Variants in PSPC1 observed in about 807,000 individuals in gnomAD.
PSPC1 encodes paraspeckle component 1, also known as paraspeckle protein 1.
In PSPC1, 14 loss-of-function variants were observed where a neutral mutation model predicts 51.6. The observed-to-expected ratio is 0.27, with a 90% CI of 0.18 to 0.42. The LOEUF is 0.42. Among genes scored for constraint, PSPC1 ranks in the 10% least tolerant of loss-of-function variants. The pLI is 1.00. For synonymous variants in PSPC1, 193 were observed against 231.9 expected (o/e 0.83, Z 1.53); for missense variants, 406 against 701.1 (o/e 0.58, Z 4.75).
intron 7 of PSPC1, among the ~76,000 whole-genome samples, chr13:19,677,232 C>CA (rs144841164): frequency 0.027 from 3,242 of 119,076 alleles, 46 homozygotes; most frequent in Middle Eastern, 0.031. Flanking sequence ...GACTCCGTCT[C>CA]AAAAAAAAAA....
chr13:19,772,314 A>G lies in PSPC1; in HGVS notation c.602T>C (p.Val201Ala). 1 of 1,614,234 alleles carries G rather than the reference A, an allele frequency of 6.2e-7. No individual in the cohort carries two copies. The highest frequency in any genetic ancestry group is 8.5e-7 in the Non-Finnish European group (1 of 1,180,040). ...TGCAGGAGGTTTTGCTGCAAACTCTACAAAACCTTTTCCTGTAGCTCTACC... is the reference window on the plus strand; with the variant it reads ...TGCAGGAGGTTTTGCTGCAAACTCTGCAAAACCTTTTCCTGTAGCTCTACC... ...DRGRATGKGF[V>A]EFAAKPPARK... Residue 201 changes from valine to alanine, a missense_variant, in exon 2 of 9, where the codon GTA (valine) becomes GCA (alanine). By Grantham distance (64) the Val-to-Ala change is moderately conservative. Coordinates refer to ENST00000338910, the MANE Select transcript of PSPC1 (RefSeq NM_001354909.2).
chr13:19,705,921 G>C, intron 7 of PSPC1, 90 bp from the exon 8 acceptor site: 4 of 1,151,006 alleles, frequency 3.5e-6, no homozygotes, highest in South Asian at 2.3e-5. Context: ...TATATACCAA[G>C]ACCATTATCA....
At chr13:19,686,872 C>T (rs917930053) in intron 6 of PSPC1, among the ~76,000 whole-genome samples, 1 of 152,014 alleles carries the variant, frequency 6.6e-6, no homozygotes, top group African/African-American at 2.4e-5. Context: ...TCCGTATTTC[C>T]TCATGTTGGC....
intron 2 of PSPC1, among the ~76,000 whole-genome samples, chr13:19,764,558 T>C (rs1482108584): frequency 6.6e-6 from 1 of 151,952 alleles, no homozygotes; most frequent in African/African-American, 2.4e-5. Context: ...AGGTGGCTTT[T>C]GCCTGTAATC....
intron 6 of PSPC1, among the ~76,000 whole-genome samples, chr13:19,726,413 G>A (rs185677012): frequency 2.3e-4 from 35 of 152,280 alleles, no homozygotes; most frequent in African/African-American, 6.5e-4. Context: ...ATACTTGGAG[G>A]ACTGAATCTC....
chr13:19,765,497 A>ATT (rs68120306), intron 2 of PSPC1, among the ~76,000 whole-genome samples: 3 of 124,370 alleles, frequency 2.4e-5, no homozygotes, highest in Admixed American at 8.4e-5. Flanking sequence ...AAGGGATCTA[A>ATT]TTTTTTTTTT....
intron 8 of PSPC1, among the ~76,000 whole-genome samples, chr13:19,705,319 CCT>C (rs1370931544): frequency 3.3e-5 from 5 of 152,148 alleles, no homozygotes; most frequent in Non-Finnish European, 7.4e-5. Context: ...ATAGTGAAAC[CCT>C]GTCTCTACTA....
chr13:19,699,479 T>G (rs1879647336), downstream of PSPC1: 1 of 152,068 alleles, frequency 6.6e-6, no homozygotes, highest in Non-Finnish European at 1.5e-5. Context: ...TAATGAAAGC[T>G]GCTGGAAACA....
At chr13:19,768,097 T>C (rs1038547137) in intron 2 of PSPC1, among the ~76,000 whole-genome samples, 1 of 151,786 alleles carries the variant, frequency 6.6e-6, no homozygotes, top group African/African-American at 2.4e-5. Context: ...TGGTGGCACA[T>C]GCCTGTAGTC....
chr13:19,671,799 T>G (rs762749155), downstream of PSPC1: 2 of 1,607,312 alleles, frequency 1.2e-6, no homozygotes, highest in African/African-American at 1.3e-5. Context: ...GAAATCTGGA[T>G]CTGTACTGAC....
At chr13:19,681,982 G>C (rs955030874) in intron 6 of PSPC1, among the ~76,000 whole-genome samples, 12 of 152,138 alleles carry the variant, frequency 7.9e-5, no homozygotes, top group Admixed American at 6.5e-5. Flanking sequence ...TAAAGAAATA[G>C]TGAAGACTCA....
chr13:19,703,006 A>G lies in PSPC1; in HGVS notation c.*169T>C. ...GAGCATCATTACCATTCTAATCTACAAAGCTCATGAATAAAGAAAAATACA... is the reference window on the plus strand; with the variant it reads ...GAGCATCATTACCATTCTAATCTACGAAGCTCATGAATAAAGAAAAATACA... On this transcript the variant is annotated 3_prime_UTR_variant, in exon 9 of 9. Transcript: ENST00000338910. 1 of 509,818 alleles carries G rather than the reference A, an allele frequency of 2.0e-6. No individual in the cohort carries two copies. 31.6% of individuals were successfully genotyped at this position (509,818 alleles called of 1,614,324 possible). A position where few individuals can be genotyped will look rare whatever the true frequency, so the allele number is the denominator to read the frequency against.
chr13:19,686,421 G>T (rs1181623296), intron 6 of PSPC1, among the ~76,000 whole-genome samples: 1 of 152,102 alleles, frequency 6.6e-6, no homozygotes, highest in African/African-American at 2.4e-5. Flanking sequence ...GGAAAAGAAG[G>T]TCTAAAAGGC....
chr13:19,702,368 A>T (rs1268335322), downstream of PSPC1: 2 of 152,232 alleles, frequency 1.3e-5, no homozygotes, highest in Non-Finnish European at 2.9e-5. Flanking sequence ...GTTTTATTTT[A>T]AAGAATGTTT....
rs553728175 is a variant in PSPC1 at position 19,763,498 on chromosome 13, A to G, written c.675-4080T>C. 5.3e-5 allele frequency among the ~76,000 whole-genome samples: 8 copies of G among 152,262 alleles called. 1 individual carries two copies. The highest frequency in any genetic ancestry group is 1.9e-4 in the African/African-American group (8 of 41,564). ...GGTTATAAACTTGAAGGACTGAGAG[A>G]GAGAGGCTTCGGGACTGAGGCCCTG... On this transcript the variant is annotated intron_variant, in intron 2 of 8. Transcript: ENST00000338910.
At chr13:19,672,134 A>G, downstream of PSPC1, 1 of 421,004 alleles carries the variant, frequency 2.4e-6, no homozygotes, top group East Asian at 3.6e-5. Flanking sequence ...TATTTAAGAA[A>G]ATTAAAGACT....
intron 6 of PSPC1, among the ~76,000 whole-genome samples, chr13:19,687,931 G>T (rs1878108718): frequency 6.6e-6 from 1 of 151,316 alleles, no homozygotes; most frequent in African/African-American, 2.4e-5. Flanking sequence ...GTCTTGTTTT[G>T]GGTTCCTACC....
intron 6 of PSPC1, among the ~76,000 whole-genome samples, chr13:19,710,523 A>G (rs1328857513): frequency 1.3e-5 from 2 of 152,256 alleles, no homozygotes; most frequent in Admixed American, 1.3e-4. Context: ...AAGCATAATT[A>G]CTGTACTTTT....
intron 6 of PSPC1, chr13:19,678,345 A>G (rs944165197): frequency 6.5e-6 from 1 of 153,548 alleles, no homozygotes; most frequent in African/African-American, 2.4e-5. Context: ...GACCTTGATC[A>G]ATGTTCTTCA....
Sources: gnomAD v4.1 joint callset for allele counts (sites outside exome capture counted in the v4.1 genomes callset) on GRCh38, gnomAD v4.1.1 for gene constraint, MANE v1.5 for transcripts, NCBI Gene and HGNC (gene_info 2026-07-23, HGNC 2026-07-21) for gene names.